Variants in SLC5A8 observed in about 807,000 individuals in gnomAD.
The protein encoded by SLC5A8 is sodium-coupled monocarboxylate transporter 1.
A neutral mutation model predicts 71.9 loss-of-function variants in SLC5A8; 55 were observed. The observed-to-expected ratio is 0.77, with a 90% CI of 0.62 to 0.96. SLC5A8 has a LOEUF of 0.96. Among genes scored for constraint, SLC5A8 ranks in the 40% least tolerant of loss-of-function variants. The pLI is 0.00. For synonymous variants in SLC5A8, 307 were observed against 276.1 expected, an observed-to-expected ratio of 1.11 and a Z score of -1.11; for missense variants, 701 against 745.3, an observed-to-expected ratio of 0.94 and a Z score of 0.69.
chr12:101,155,650 C>G lies in SLC5A8; in HGVS notation c.*1629G>C, dbSNP rs976313907. 6.6e-6 allele frequency: 1 copy of G among 151,502 alleles called. No homozygotes were observed. The highest frequency in any genetic ancestry group is 1.5e-5 in the Non-Finnish European group (1 of 67,896). The allele number at this position is 151,502 out of a possible 1,614,324, so 9.4% of individuals were successfully genotyped here. ...TACAAGTATGTGGCAACATGCCTAG[C>G]TAAGTTTTTTTTATTTTTATTTTTT... On this transcript the variant is annotated 3_prime_UTR_variant, in exon 15 of 15. Transcript: ENST00000536262.
chr12:101,195,844 G>A (rs868656507), intron 3 of SLC5A8, among the ~76,000 whole-genome samples: 2 of 151,556 alleles, frequency 1.3e-5, no homozygotes, highest in African/African-American at 2.4e-5. Context: ...CTACAGGCAC[G>A]CAGCACCATG....
At chr12:101,181,513 G>A (rs1331599735) in intron 9 of SLC5A8, among the ~76,000 whole-genome samples, 1 of 152,170 alleles carries the variant, frequency 6.6e-6, no homozygotes, top group Non-Finnish European at 1.5e-5. Flanking sequence ...ATGAGCACCA[G>A]CCAGTGCCTC....
chr12:101,178,502 GA>G (rs2051901823), intron 10 of SLC5A8, among the ~76,000 whole-genome samples: 1 of 152,102 alleles, frequency 6.6e-6, no homozygotes, highest in Non-Finnish European at 1.5e-5. Context: ...AGAGAATTCA[GA>G]AATAGACTCA....
chr12:101,190,377 A>G, intron 6 of SLC5A8, 91 bp downstream of exon 6: 1 of 1,368,584 alleles, frequency 7.3e-7, no homozygotes, highest in East Asian at 2.6e-5. Context: ...GACACAAAAG[A>G]CATAAAGGAG....
rs1411795424 is a variant in SLC5A8 at position 101,158,598 on chromosome 12, C to CTCTCTATATA, written c.1631-271_1631-270insTATATAGAGA. Among the ~76,000 whole-genome samples, 51 of 21,178 alleles carry CTCTCTATATA rather than the reference C, an allele frequency of 2.4e-3. 1 individual carries two copies. The highest frequency in any genetic ancestry group is 3.6e-3 in the Non-Finnish European group (41 of 11,358). The allele number at this position is 21,178 out of a possible 152,430, so 13.9% of individuals were successfully genotyped here. On this transcript the variant is annotated intron_variant, in intron 13 of 14. Coordinates refer to ENST00000536262, the MANE Select transcript of SLC5A8 (RefSeq NM_145913.5). ...TCTCTCTCTCTCTCTCTCTCTCTCT[C>CTCTCTATATA]TATATATATATATATATATATATAT...
intron 13 of SLC5A8, among the ~76,000 whole-genome samples, chr12:101,158,831 C>T (rs2051699934): frequency 6.7e-6 from 1 of 148,412 alleles, no homozygotes; most frequent in South Asian, 2.1e-4. Context: ...TTGTTGGCTA[C>T]AAATATACAT....
In SLC5A8 at chr12:101,156,109, A is replaced by G. The variant is rs549389330; in HGVS notation, c.*1170T>C. ...TTTGAGACTGCTACTTAAAAATTTTAAAACATGGAACAAAGCATTTTTTGA... is the reference window on the plus strand; with the variant it reads ...TTTGAGACTGCTACTTAAAAATTTTGAAACATGGAACAAAGCATTTTTTGA... On this transcript the variant is annotated 3_prime_UTR_variant, in exon 15 of 15. Coordinates refer to ENST00000536262, the MANE Select transcript of SLC5A8 (RefSeq NM_145913.5). 6.6e-5 allele frequency: 10 copies of G among 152,280 alleles called. No individual in the cohort carries two copies. Among genetic ancestry groups the G allele is most frequent in the African/African-American group, 2.4e-4 (10 of 41,564 alleles). The allele number at this position is 152,280 out of a possible 1,614,324, so 9.4% of individuals were successfully genotyped here. A position where few individuals can be genotyped will look rare whatever the true frequency, so the allele number is the denominator to read the frequency against.
intron 10 of SLC5A8, 66 bp from the exon 11 acceptor site, chr12:101,168,248 T>C: frequency 6.9e-7 from 1 of 1,443,464 alleles, no homozygotes; most frequent in Non-Finnish European, 9.5e-7. Context: ...TTCAAAGTCA[T>C]TTCATCAGGA....
chr12:101,186,189 AAC>A (rs1281983212), intron 7 of SLC5A8, among the ~76,000 whole-genome samples: 1 of 145,724 alleles, frequency 6.9e-6, no homozygotes, highest in African/African-American at 2.6e-5. Flanking sequence ...ACAGATTGAT[AAC>A]AGTCACAAAA....
At chr12:101,177,444 TACACACACACACAC>T (rs60836789) in intron 10 of SLC5A8, among the ~76,000 whole-genome samples, 2 of 94,426 alleles carry the variant, frequency 2.1e-5, no homozygotes, top group East Asian at 1.1e-3. Context: ...AGGCAGTATA[TACACACACACACAC>T]ACACACACAC....
intron 13 of SLC5A8, among the ~76,000 whole-genome samples, chr12:101,159,269 T>C (rs1216097034): frequency 6.6e-6 from 1 of 152,178 alleles, no homozygotes; most frequent in African/African-American, 2.4e-5. Context: ...GGAGATAGAA[T>C]CAATTTTAAA....
Position 101,187,432 on chromosome 12 carries a change from T to C in SLC5A8, c.917A>G (p.His306Arg), listed in dbSNP as rs779698084. Residue 306 changes from histidine (H) to arginine (R), a missense_variant, in exon 7 of 15, where the codon CAT becomes CGT. By Grantham distance (29) the His-to-Arg change is conservative. Coordinates refer to ENST00000536262, the MANE Select transcript of SLC5A8 (RefSeq NM_145913.5). Reference protein sequence around the residue: ...FCGLALYSRYHDCDPWTAKKV... With the variant: ...FCGLALYSRYRDCDPWTAKKV... The stretch of plus-strand genomic sequence containing the variant: ...CTTGGCTGTCCAAGGATCACAGTCA[T>C]GGTACCTGGAATATAGGGCGAGCCC... 3 of 1,613,794 alleles carry C rather than the reference T, an allele frequency of 1.9e-6. No individual in the cohort carries two copies. The highest frequency in any genetic ancestry group is 2.5e-6 in the Non-Finnish European group (3 of 1,179,942).
At chr12:101,202,105 G>A in intron 3 of SLC5A8, 59 bp downstream of exon 3, 1 of 1,510,218 alleles carries the variant, frequency 6.6e-7, no homozygotes, top group South Asian at 1.1e-5. Flanking sequence ...GAGAAAATAA[G>A]GCTTGTTGAA....
At chr12:101,167,817 G>T (rs1014321965) in intron 11 of SLC5A8, among the ~76,000 whole-genome samples, 1 of 152,148 alleles carries the variant, frequency 6.6e-6, no homozygotes, top group Admixed American at 6.5e-5. Context: ...TTTGAGAAGG[G>T]CAAGTAGGTA....
At chr12:101,185,033 G>C (rs1868569201) in intron 7 of SLC5A8, among the ~76,000 whole-genome samples, 1 of 152,154 alleles carries the variant, frequency 6.6e-6, no homozygotes, top group Non-Finnish European at 1.5e-5. Context: ...TTCTCCCACA[G>C]TACAGAGTAG....
At chr12:101,178,514 C>T (rs2137139651) in intron 10 of SLC5A8, among the ~76,000 whole-genome samples, 1 of 152,198 alleles carries the variant, frequency 6.6e-6, no homozygotes, top group East Asian at 1.9e-4. Flanking sequence ...AATAGACTCA[C>T]ACAAATATGC....
rs151274479 is a variant in SLC5A8 at position 101,182,873 on chromosome 12, C to T, written c.1095G>A (p.Val365=). 1 of 1,594,018 alleles carries T rather than the reference C, an allele frequency of 6.3e-7. No homozygotes were observed. The highest frequency in any genetic ancestry group is 2.3e-5 in the East Asian group (1 of 43,208). Residue 365 remains valine (V), a synonymous_variant, in exon 9 of 15, where the codon GTG becomes GTA. Transcript: ENST00000536262. ...TGAAGTAAGGTTTGATTAGATCTTC[C>T]ACAGTTACTGCTGCTAAGGCATTAA... The part of the protein sequence containing the change: ...SSINALAAVT[V]EDLIKPYFRS...
At chr12:101,196,990 G>A (rs1047813319) in intron 3 of SLC5A8, among the ~76,000 whole-genome samples, 3 of 152,158 alleles carry the variant, frequency 2.0e-5, no homozygotes, top group African/African-American at 7.2e-5. Context: ...GGAACTTAAG[G>A]GGGCTCCGGC....
intron 4 of SLC5A8, 85 bp downstream of exon 4, chr12:101,195,010 C>A: frequency 1.5e-6 from 2 of 1,343,264 alleles, no homozygotes; most frequent in South Asian, 2.5e-5. Flanking sequence ...TGTGGACAAA[C>A]AAGATTGCGG....
Sources: allele counts gnomAD v4.1 joint callset (sites outside exome capture counted in the v4.1 genomes callset), GRCh38; gene constraint gnomAD v4.1.1; transcripts MANE v1.5; gene names NCBI Gene and HGNC (gene_info 2026-07-23, HGNC 2026-07-21).